LCA5: variants seen among roughly 807,000 people sequenced by gnomAD.
The protein encoded by LCA5 is lebercilin LCA5, also known as lebercilin.
In LCA5, 37 loss-of-function variants were observed where a neutral mutation model predicts 53.0. That is an observed-to-expected ratio of 0.70 (90% CI 0.54 to 0.92). The LOEUF (loss-of-function observed/expected upper bound fraction) is 0.92, where lower values mean the gene tolerates loss of function less well. LCA5 is among the 40% of genes least tolerant of loss of function. The probability of loss-of-function intolerance (pLI) is 0.00; values close to 1 mark genes in which losing one functional copy is unlikely to be tolerated. For synonymous variants in LCA5, 303 were observed against 282.9 expected, an observed-to-expected ratio of 1.07 and a Z score of -0.71; for missense variants, 806 against 790.5, an observed-to-expected ratio of 1.02 and a Z score of -0.23.
chr6:79,510,342 T>C (rs1219662538), intron 3 of LCA5, among the ~76,000 whole-genome samples: 1 of 152,150 alleles, frequency 6.6e-6, no homozygotes, highest in African/African-American at 2.4e-5. Flanking sequence ...TCACATTCTA[T>C]ACAAAAATTA....
At chr6:79,538,096 T>C (rs1767213888), upstream of LCA5, among the ~76,000 whole-genome samples, 1 of 143,576 alleles carries the variant, frequency 7.0e-6, no homozygotes, top group African/African-American at 2.6e-5. Context: ...TGAGCGCTGA[T>C]GTGTGACATA....
At chr6:79,532,925 C>G (rs936655310) in intron 1 of LCA5, among the ~76,000 whole-genome samples, 15 of 151,978 alleles carry the variant, frequency 9.9e-5, no homozygotes, top group African/African-American at 3.6e-4. Context: ...ATATTAAGTT[C>G]CATTTTATAA....
chr6:79,491,506 T>C (rs1300515325), intron 6 of LCA5, 82 bp downstream of exon 6: 13 of 1,453,886 alleles, frequency 8.9e-6, no homozygotes, highest in Non-Finnish European at 1.3e-5. Context: ...GCTTCATTAC[T>C]GAAATTTTAA....
Position 79,517,042 on chromosome 6 carries a change from G to A in LCA5, c.190+1663C>T, listed in dbSNP as rs191485617. The stretch of plus-strand genomic sequence containing the variant: ...GAAGGAAGAATATGCTATCAAACAC[G>A]CAAACCCGAAAATTCGTTTAAAATG... On this transcript the variant is annotated intron_variant, in intron 2 of 7. Coordinates refer to ENST00000369846, the MANE Select transcript of LCA5 (RefSeq NM_001122769.3). 1.4e-3 allele frequency among the ~76,000 whole-genome samples: 207 copies of A among 152,014 alleles called. 2 individuals carry two copies. The highest frequency in any genetic ancestry group is 4.7e-3 in the African/African-American group (194 of 41,502).
chr6:79,515,699 G>C (rs915717784), intron 2 of LCA5, among the ~76,000 whole-genome samples: 2 of 151,886 alleles, frequency 1.3e-5, no homozygotes, highest in African/African-American at 4.8e-5. Flanking sequence ...CATCAGCCAT[G>C]GATACTTGAT....
Position 79,486,872 on chromosome 6 carries a change from C to A in LCA5, c.*132G>T. On this transcript the variant is annotated 3_prime_UTR_variant, in exon 8 of 8. Transcript: ENST00000369846. ...TGTATGATCTACTTCTTTTTAACTGCATTGTATTTAGCTATTAAAAATCAT... is the reference window on the plus strand; with the variant it reads ...TGTATGATCTACTTCTTTTTAACTGAATTGTATTTAGCTATTAAAAATCAT... 1.4e-6 allele frequency: 1 copy of A among 738,550 alleles called. No homozygotes were observed. Among genetic ancestry groups the A allele is most frequent in the Non-Finnish European group, 2.1e-6 (1 of 466,776 alleles). The allele number at this position is 738,550 out of a possible 1,614,324, so 45.7% of individuals were successfully genotyped here.
chr6:79,518,596 T>C (rs1350331438), intron 2 of LCA5, 109 bp downstream of exon 2: 5 of 998,560 alleles, frequency 5.0e-6, no homozygotes, highest in East Asian at 2.4e-5. Context: ...CCCACTTCCA[T>C]GTATACAACA....
intron 3 of LCA5, among the ~76,000 whole-genome samples, chr6:79,499,669 C>CT (rs889187652): frequency 1.1e-4 from 16 of 147,492 alleles, no homozygotes; most frequent in South Asian, 2.2e-4. Context: ...TTTTGCCCCA[C>CT]TTTTTTTTTT....
intron 1 of LCA5, among the ~76,000 whole-genome samples, chr6:79,524,108 T>A (rs557497527): frequency 3.3e-5 from 5 of 152,316 alleles, no homozygotes; most frequent in Non-Finnish European, 7.4e-5. Context: ...AGCTTCTTAA[T>A]CTACCAATAG....
intron 3 of LCA5, among the ~76,000 whole-genome samples, chr6:79,502,997 C>T (rs999781627): frequency 8.5e-5 from 13 of 152,252 alleles, no homozygotes; most frequent in African/African-American, 1.9e-4. Context: ...TCTCCTGCCT[C>T]GGCCTCCCGA....
chr6:79,538,359 C>T (rs1437801306), upstream of LCA5, among the ~76,000 whole-genome samples: 1 of 152,110 alleles, frequency 6.6e-6, no homozygotes, highest in African/African-American at 2.4e-5. Flanking sequence ...TCTCGCTCAA[C>T]CTCGTTTTTC....
intron 3 of LCA5, among the ~76,000 whole-genome samples, chr6:79,496,271 G>A (rs186420961): frequency 1.3e-5 from 2 of 152,182 alleles, no homozygotes; most frequent in Admixed American, 1.3e-4. Context: ...GAAAACAGTT[G>A]GGCAGTAAAA....
intron 7 of LCA5, 178 bp from the exon 8 acceptor site, chr6:79,488,044 T>G: frequency 1.7e-6 from 1 of 589,278 alleles, no homozygotes. Flanking sequence ...ATAATATATT[T>G]AATACGTATT....
rs1161664693 is a variant in LCA5 at position 79,513,715 on chromosome 6, G to T, written c.217C>A (p.Leu73Ile). The change falls in exon 3 of 8, where the codon CTA becomes ATA. Residue 73 changes from leucine to isoleucine, a missense_variant. Coordinates refer to ENST00000369846, the MANE Select transcript of LCA5 (RefSeq NM_001122769.3). ...QAPRKPSPKG[L>I]PNRKGVRVGF... ...ACTCGGACTCCCTTTCTGTTTGGTA[G>T]ACCCTTAGGGCTTGGTTTCCGAGGG... 1 of 1,613,610 alleles carries T rather than the reference G, an allele frequency of 6.2e-7. No homozygotes were observed. The highest frequency in any genetic ancestry group is 8.5e-7 in the Non-Finnish European group (1 of 1,179,700).
Position 79,486,350 on chromosome 6 carries a change from C to T in LCA5, c.*654G>A, listed in dbSNP as rs1163634528. ...GTCCTTGCAAACAGAGAAATGTCTT[C>T]CGAACTCAACATAATATTCTAACAG... On this transcript the variant is annotated 3_prime_UTR_variant, in exon 8 of 8. Transcript: ENST00000369846. 6.6e-6 allele frequency: 1 copy of T among 152,190 alleles called. No individual in the cohort carries two copies. 9.4% of individuals were successfully genotyped at this position (152,190 alleles called of 1,614,324 possible). A position where few individuals can be genotyped will look rare whatever the true frequency, so the allele number is the denominator to read the frequency against.
At chr6:79,514,779 A>G (rs1766379738) in intron 2 of LCA5, among the ~76,000 whole-genome samples, 2 of 152,122 alleles carry the variant, frequency 1.3e-5, no homozygotes, top group South Asian at 2.1e-4. Context: ...CCAGTAACAC[A>G]TGATTTCACT....
At chr6:79,511,523 T>C (rs946617064) in intron 3 of LCA5, among the ~76,000 whole-genome samples, 5 of 152,136 alleles carry the variant, frequency 3.3e-5, no homozygotes, top group Non-Finnish European at 7.4e-5. Flanking sequence ...ATTCTTGTGA[T>C]GGAATTGGTC....
At chr6:79,511,889 G>A (rs769768072) in intron 3 of LCA5, among the ~76,000 whole-genome samples, 17 of 152,112 alleles carry the variant, frequency 1.1e-4, no homozygotes, top group Admixed American at 3.9e-4. Context: ...CACAGGCTTC[G>A]TCCCACTTCT....
At chr6:79,508,867 T>A (rs1470709941) in intron 3 of LCA5, among the ~76,000 whole-genome samples, 1 of 152,128 alleles carries the variant, frequency 6.6e-6, no homozygotes, top group Non-Finnish European at 1.5e-5. Context: ...TAGTGTTGGC[T>A]GAAGTAAAAT....
Sources: allele counts gnomAD v4.1 joint callset (sites outside exome capture counted in the v4.1 genomes callset), GRCh38; gene constraint gnomAD v4.1.1; transcripts MANE v1.5; gene names NCBI Gene and HGNC (gene_info 2026-07-23, HGNC 2026-07-21).